The following SLC44A2 variants were observed in gnomAD, a reference collection of about 807,000 sequenced individuals.
SLC44A2 encodes the protein choline transporter-like protein 2.
In SLC44A2, 57 loss-of-function variants were observed where a neutral mutation model predicts 90.8. The observed-to-expected ratio is 0.63, with a 90% CI of 0.51 to 0.78. The LOEUF (loss-of-function observed/expected upper bound fraction) is 0.78, where lower values mean the gene tolerates loss of function less well. Ranked by LOEUF, SLC44A2 falls within the 30% of genes least tolerant of loss-of-function variation. The pLI, the probability that SLC44A2 is intolerant of heterozygous loss-of-function variation, is 0.00. For missense variants in SLC44A2, 794 were observed against 919.7 expected, an observed-to-expected ratio of 0.86 and a Z score of 1.77; for synonymous variants, 355 against 360.7, an observed-to-expected ratio of 0.98 and a Z score of 0.18.
At chr19:10,634,032 G>A (rs1180774036) in intron 10 of SLC44A2, among the ~76,000 whole-genome samples, 5 of 146,958 alleles carry the variant, frequency 3.4e-5, no homozygotes, top group East Asian at 2.0e-4. Flanking sequence ...GTGCAGTGGC[G>A]CGATCTCAGC....
chr19:10,636,834 G>C, intron 16 of SLC44A2, 78 bp downstream of exon 16: 3 of 1,429,088 alleles, frequency 2.1e-6, no homozygotes, highest in Non-Finnish European at 2.9e-6. Flanking sequence ...GGTCTTGCTT[G>C]GAGGTGGGCG....
chr19:10,641,576 A>G (rs79290735), intron 20 of SLC44A2, among the ~76,000 whole-genome samples: 5,158 of 151,766 alleles, frequency 0.034, 113 homozygotes, highest in South Asian at 0.095. Flanking sequence ...GGTGAGGCTG[A>G]GTGCAGTGGC....
chr19:10,607,444 G>T (rs932704547), intron 1 of SLC44A2, among the ~76,000 whole-genome samples: 13 of 151,608 alleles, frequency 8.6e-5, no homozygotes, highest in Non-Finnish European at 1.5e-4. Context: ...TCAAATTCCT[G>T]GGCTCAAGTG....
intron 13 of SLC44A2, 21 bp from the exon 14 acceptor site, chr19:10,635,410 G>A (rs755418792): frequency 6.2e-7 from 1 of 1,614,002 alleles, no homozygotes; most frequent in Admixed American, 1.7e-5. Flanking sequence ...CTAGACCTCT[G>A]CTTCCTTAAC....
Position 10,638,084 on chromosome 19 carries a change from G to A in SLC44A2, c.1831G>A (p.Gly611Ser). 1 of 1,613,890 alleles carries A rather than the reference G, an allele frequency of 6.2e-7. No homozygotes were observed. The highest frequency in any genetic ancestry group is 8.5e-7 in the Non-Finnish European group (1 of 1,179,960). ...LFLLGKLLIV[G>S]SVGILAFFFF... is the part of the protein sequence containing the mutation. Reference sequence around the variant, plus strand: ...CCTGTTGGGCAAACTTCTGATCGTTGGTAGTGTGGGTGAGTGCCGCCCACC... The same window carrying A: ...CCTGTTGGGCAAACTTCTGATCGTTAGTAGTGTGGGTGAGTGCCGCCCACC... The change falls in exon 19 of 22, where the codon GGT (glycine) becomes AGT (serine). Residue 611 changes from glycine to serine, a missense_variant. Physicochemically the swap from Gly to Ser is moderately conservative, Grantham distance 56 (BLOSUM62 0). Coordinates refer to ENST00000335757, the MANE Select transcript of SLC44A2 (RefSeq NM_020428.4).
intron 2 of SLC44A2, 111 bp downstream of exon 2, chr19:10,626,412 CTTT>C (rs886227375): frequency 1.6e-4 from 110 of 680,852 alleles, no homozygotes; most frequent in East Asian, 2.3e-4. Context: ...ATATTTGAAA[CTTT>C]TTTTTTTTTT....
chr19:10,643,891 A>T lies in SLC44A2; in HGVS notation c.*506A>T, dbSNP rs2067143527. 1 of 153,250 alleles carries T rather than the reference A, an allele frequency of 6.5e-6. No homozygotes were observed. Among genetic ancestry groups the T allele is most frequent in the Admixed American group, 6.5e-5 (1 of 15,306 alleles). 9.5% of individuals were successfully genotyped at this position (153,250 alleles called of 1,614,324 possible). A position where few individuals can be genotyped will look rare whatever the true frequency, so the allele number is the denominator to read the frequency against. ...TTATTATTTTTTAACCTGGACATGCATTAAAGGGTCTATTAGCTTTCTTTC... is the reference window on the plus strand; with the variant it reads ...TTATTATTTTTTAACCTGGACATGCTTTAAAGGGTCTATTAGCTTTCTTTC... On this transcript the variant is annotated 3_prime_UTR_variant, in exon 22 of 22. Transcript: ENST00000335757.
At chr19:10,637,393 G>T in intron 16 of SLC44A2, 1 of 499,384 alleles carries the variant, frequency 2.0e-6, no homozygotes, top group Non-Finnish European at 3.6e-6. Flanking sequence ...TTAGAGGAAG[G>T]GCTCTGGGGC....
upstream of SLC44A2, among the ~76,000 whole-genome samples, chr19:10,624,753 C>G (rs140379932): frequency 6.6e-6 from 1 of 152,222 alleles, no homozygotes; most frequent in African/African-American, 2.4e-5. Flanking sequence ...AGGATGTGGG[C>G]TCCACAAGGG....
Position 10,634,753 on chromosome 19 carries a change from C to A in SLC44A2, c.824-3C>A. Reference sequence around the variant, plus strand: ...GGACTGAGCTTGTGGTTCCCCCATGCAGGAATATTTCACTGCTACATGGAG... The same window carrying A: ...GGACTGAGCTTGTGGTTCCCCCATGAAGGAATATTTCACTGCTACATGGAG... On this transcript the variant is annotated splice_polypyrimidine_tract_variant and splice_region_variant and intron_variant, in intron 10 of 21. Transcript: ENST00000335757. 1 of 1,614,172 alleles carries A rather than the reference C, an allele frequency of 6.2e-7. No individual in the cohort carries two copies. Among genetic ancestry groups the A allele is most frequent in the Non-Finnish European group, 8.5e-7 (1 of 1,180,026 alleles).
chr19:10,610,290 A>G (rs1278747685), intron 1 of SLC44A2, among the ~76,000 whole-genome samples: 1 of 151,584 alleles, frequency 6.6e-6, no homozygotes, highest in East Asian at 1.9e-4. Context: ...AAACATTTGC[A>G]GAGCCCTGGT....
intron 1 of SLC44A2, among the ~76,000 whole-genome samples, chr19:10,615,273 A>T (rs190064018): frequency 9.9e-5 from 15 of 151,584 alleles, no homozygotes; most frequent in Admixed American, 8.6e-4. Flanking sequence ...CTCTACCAAA[A>T]ATAAAAAAAA....
At chr19:10,624,659 A>C (rs1388685659), upstream of SLC44A2, among the ~76,000 whole-genome samples, 3 of 152,222 alleles carry the variant, frequency 2.0e-5, no homozygotes, top group Non-Finnish European at 4.4e-5. Flanking sequence ...GAGGAAACTG[A>C]GGCTTAAGGA....
rs1194722946 is a variant in SLC44A2, at chr19:10,636,649, C to T, written c.1497-13C>T. 6.2e-7 allele frequency: 1 copy of T among 1,612,014 alleles called. No individual in the cohort carries two copies. The highest frequency in any genetic ancestry group is 2.2e-5 in the East Asian group (1 of 44,850). ...GGCCTGGCCCAGCCACCGACCACTC[C>T]CTCGGCCCGCAGGTACCACACAGGC... On this transcript the variant is annotated splice_polypyrimidine_tract_variant and intron_variant, in intron 15 of 21. Transcript: ENST00000335757.
chr19:10,618,237 T>C (rs553387065), intron 1 of SLC44A2, among the ~76,000 whole-genome samples: 2 of 146,126 alleles, frequency 1.4e-5, no homozygotes, highest in South Asian at 4.5e-4. Flanking sequence ...TGCAGTGTCG[T>C]AGTCTCGGTT....
chr19:10,639,528 G>A (rs1052446127), intron 20 of SLC44A2, among the ~76,000 whole-genome samples: 1 of 152,098 alleles, frequency 6.6e-6, no homozygotes, highest in Admixed American at 6.6e-5. Flanking sequence ...ACAGTACAGT[G>A]GCCCTGAGGT....
intron 2 of SLC44A2, 24 bp downstream of exon 2, chr19:10,626,325 G>A (rs767903953): frequency 2.5e-5 from 40 of 1,576,298 alleles, no homozygotes; most frequent in Non-Finnish European, 3.2e-5. Context: ...GTTTTGGGGG[G>A]TTCTCCCCGC....
chr19:10,627,341 G>C (rs1457958805), intron 2 of SLC44A2, among the ~76,000 whole-genome samples: 1 of 150,572 alleles, frequency 6.6e-6, no homozygotes, highest in Admixed American at 6.6e-5. Context: ...AAAAAGTCTA[G>C]CTTGGGCAAC....
Position 10,634,997 on chromosome 19 carries a change from G to T in SLC44A2, c.979G>T (p.Val327Phe). The T allele has an allele frequency of 6.2e-7, 1 of 1,614,152 alleles. No homozygotes were observed. The highest frequency in any genetic ancestry group is 8.5e-7 in the Non-Finnish European group (1 of 1,180,036). Reference protein sequence around the residue: ...AFMIILSILEVIIILLLIFLR... With the variant: ...AFMIILSILEFIIILLLIFLR... The stretch of plus-strand genomic sequence containing the variant: ...AGTGATCATTCTGAGTATCCTTGAA[G>T]TCATTATCATCTTGCTGCTCATCTT... Residue 327 changes from valine (V) to phenylalanine (F), a missense_variant, in exon 12 of 22, where the codon GTC becomes TTC. By Grantham distance (50) the Val-to-Phe change is conservative. Coordinates refer to ENST00000335757, the MANE Select transcript of SLC44A2 (RefSeq NM_020428.4).
Sources: allele counts gnomAD v4.1 joint callset (sites outside exome capture counted in the v4.1 genomes callset), GRCh38; gene constraint gnomAD v4.1.1; transcripts MANE v1.5; gene names NCBI Gene and HGNC (gene_info 2026-07-23, HGNC 2026-07-21).